Variants in ARL15 observed in about 807,000 individuals in gnomAD.
ARL15 encodes the protein ARF like GTPase 15.
A neutral mutation model predicts 25.2 loss-of-function variants in ARL15; 19 were observed. That is an observed-to-expected ratio of 0.75 (90% CI 0.53 to 1.10). The LOEUF is 1.10. ARL15 is among the 50% of genes least tolerant of loss of function. The pLI is 0.00. For missense variants in ARL15, 220 were observed against 246.0 expected, an observed-to-expected ratio of 0.89 and a Z score of 0.71; for synonymous variants, 94 against 86.8, an observed-to-expected ratio of 1.08 and a Z score of -0.46.
At chr5:54,207,331 A>G (rs1290022393) in intron 1 of ARL15, among the ~76,000 whole-genome samples, 1 of 152,176 alleles carries the variant, frequency 6.6e-6, no homozygotes, top group Non-Finnish European at 1.5e-5. Flanking sequence ...TTCACCCCCA[A>G]TGTTACCTCT....
intron 3 of ARL15, among the ~76,000 whole-genome samples, chr5:54,135,185 A>G (rs569192154): frequency 3.3e-5 from 5 of 152,234 alleles, no homozygotes; most frequent in Non-Finnish European, 5.9e-5. Flanking sequence ...GAAGAACACA[A>G]TGGGAAAGAC....
At chr5:54,222,093 C>G (rs1319035588) in intron 1 of ARL15, among the ~76,000 whole-genome samples, 1 of 152,146 alleles carries the variant, frequency 6.6e-6, no homozygotes, top group African/African-American at 2.4e-5. Flanking sequence ...AAATATCAAT[C>G]CTGAAAGAAT....
At chr5:54,225,246 G>C (rs576144002) in intron 1 of ARL15, among the ~76,000 whole-genome samples, 25 of 152,258 alleles carry the variant, frequency 1.6e-4, no homozygotes, top group Admixed American at 7.8e-4. Flanking sequence ...GAAAAGAAGT[G>C]ATCAGAGGGA....
intron 1 of ARL15, among the ~76,000 whole-genome samples, chr5:54,248,371 C>G (rs1284265726): frequency 6.6e-6 from 1 of 152,202 alleles, no homozygotes; most frequent in Non-Finnish European, 1.5e-5. Flanking sequence ...CGGACTCACT[C>G]TCCTGCAACC....
chr5:54,298,427 C>A (rs995779152), intron 1 of ARL15, among the ~76,000 whole-genome samples: 7 of 152,170 alleles, frequency 4.6e-5, no homozygotes, highest in African/African-American at 1.7e-4. Context: ...TTCTTCTATC[C>A]TCCTCAGTTA....
intron 1 of ARL15, among the ~76,000 whole-genome samples, chr5:54,197,081 A>G (rs1344040560): frequency 6.6e-6 from 1 of 151,896 alleles, no homozygotes; most frequent in Non-Finnish European, 1.5e-5. Flanking sequence ...CAACACATAG[A>G]TTTGTACTTC....
chr5:53,976,214 C>T (rs1747917131), intron 4 of ARL15, among the ~76,000 whole-genome samples: 1 of 152,112 alleles, frequency 6.6e-6, no homozygotes, highest in East Asian at 1.9e-4. Context: ...GGCAACCACA[C>T]GAGTACCAAA....
rs181938064 is a variant in ARL15, at chr5:54,065,436, C to T, written c.462+47766G>A. Among the ~76,000 whole-genome samples, 745 of 152,196 alleles carry T rather than the reference C, an allele frequency of 4.9e-3. 4 individuals carry two copies. The highest frequency in any genetic ancestry group is 7.8e-3 in the Non-Finnish European group (530 of 68,010). Reference sequence around the variant, plus strand: ...ATCCCAGCACTTTGGGAGGCTGAGGCGGGCGGATCACCTCAGGTCAGGAGT... The same window carrying T: ...ATCCCAGCACTTTGGGAGGCTGAGGTGGGCGGATCACCTCAGGTCAGGAGT... On this transcript the variant is annotated intron_variant, in intron 4 of 4. Transcript: ENST00000504924.
At chr5:54,114,202 A>T (rs1054980710) in intron 3 of ARL15, among the ~76,000 whole-genome samples, 2 of 152,030 alleles carry the variant, frequency 1.3e-5, no homozygotes, top group African/African-American at 4.8e-5. Flanking sequence ...GTTCAAGACC[A>T]GCCTGGCCAA....
At chr5:54,016,117 T>C (rs549126013) in intron 4 of ARL15, among the ~76,000 whole-genome samples, 15 of 152,278 alleles carry the variant, frequency 9.9e-5, no homozygotes, top group African/African-American at 2.4e-4. Flanking sequence ...CGGCTACCGG[T>C]AATTAAAGTG....
At chr5:54,116,241 T>C (rs78718938) in intron 3 of ARL15, among the ~76,000 whole-genome samples, 1 of 152,014 alleles carries the variant, frequency 6.6e-6, no homozygotes, top group Admixed American at 6.6e-5. Flanking sequence ...GGCAGGCCTC[T>C]GGAGAAGAGT....
chr5:53,890,101 C>T (rs1221292178), intron 4 of ARL15, among the ~76,000 whole-genome samples: 1 of 152,174 alleles, frequency 6.6e-6, no homozygotes, highest in Non-Finnish European at 1.5e-5. Flanking sequence ...GCATGAGCTG[C>T]TGGGCCTGGC....
intron 4 of ARL15, among the ~76,000 whole-genome samples, chr5:54,074,702 A>G (rs1751536972): frequency 6.6e-6 from 1 of 152,154 alleles, no homozygotes; most frequent in Non-Finnish European, 1.5e-5. Flanking sequence ...TTTTACTTTA[A>G]TAGTATTAGA....
At chr5:53,996,194 A>G (rs912273973) in intron 4 of ARL15, among the ~76,000 whole-genome samples, 1 of 152,192 alleles carries the variant, frequency 6.6e-6, no homozygotes, top group Non-Finnish European at 1.5e-5. Flanking sequence ...GCTGGGGACA[A>G]TGGCAAGGGA....
At chr5:53,981,226 CA>C (rs1748106591) in intron 4 of ARL15, among the ~76,000 whole-genome samples, 1 of 151,828 alleles carries the variant, frequency 6.6e-6, no homozygotes, top group South Asian at 2.1e-4. Context: ...TATTTTTAAA[CA>C]GGGTAGTGAA....
chr5:53,987,475 CT>C (rs35849750), intron 4 of ARL15, among the ~76,000 whole-genome samples: 85,430 of 144,156 alleles, frequency 0.59, 25,154 homozygotes, highest in East Asian at 0.84. Context: ...ACCCCTTTCA[CT>C]TTTTTTTTTT....
At chr5:53,922,543 T>C (rs542239124) in intron 4 of ARL15, among the ~76,000 whole-genome samples, 1 of 152,180 alleles carries the variant, frequency 6.6e-6, no homozygotes, top group Admixed American at 6.5e-5. Context: ...CCAACCAGAA[T>C]GAACGTTGGT....
At chr5:53,901,028 G>C (rs1328084888) in intron 4 of ARL15, among the ~76,000 whole-genome samples, 1 of 152,172 alleles carries the variant, frequency 6.6e-6, no homozygotes, top group Non-Finnish European at 1.5e-5. Flanking sequence ...TATGCAAAAA[G>C]AGAAGCATCA....
chr5:54,039,520 C>G (rs552367485), intron 4 of ARL15, among the ~76,000 whole-genome samples: 1 of 152,056 alleles, frequency 6.6e-6, no homozygotes, highest in East Asian at 1.9e-4. Flanking sequence ...GCAAATAGTG[C>G]CGGGTGTGGT....
Sources: allele counts gnomAD v4.1 joint callset (sites outside exome capture counted in the v4.1 genomes callset), GRCh38; gene constraint gnomAD v4.1.1; transcripts MANE v1.5; gene names NCBI Gene and HGNC (gene_info 2026-07-23, HGNC 2026-07-21).